The following NT5M variants were observed in gnomAD, a reference collection of about 807,000 sequenced individuals.
NT5M encodes the protein 5',3'-nucleotidase, mitochondrial.
In NT5M, 22 loss-of-function variants were observed where a neutral mutation model predicts 22.2. The ratio of observed to expected loss-of-function variants is 0.99; its 90% CI spans 0.71 to 1.41. NT5M has a LOEUF of 1.41. Among genes scored for constraint, NT5M ranks in the 40% most tolerant of loss-of-function variants. NT5M has a pLI of 0.00. For missense variants in NT5M, 322 were observed against 314.8 expected (o/e 1.02, Z -0.17); for synonymous variants, 167 against 133.0 (o/e 1.26, Z -1.76).
intron 4 of NT5M, chr17:17,345,302 C>A: frequency 9.9e-7 from 1 of 1,007,342 alleles, no homozygotes; most frequent in South Asian, 4.3e-5. Flanking sequence ...AGCAGAGCTC[C>A]TGCAGGGAAG....
At chr17:17,306,771 T>TG in intron 2 of NT5M, 128 bp downstream of exon 2, 1 of 677,814 alleles carries the variant, frequency 1.5e-6, no homozygotes, top group Non-Finnish European at 2.6e-6. Flanking sequence ...AGGCTGCACT[T>TG]GCCTCGTCAT....
intron 2 of NT5M, among the ~76,000 whole-genome samples, chr17:17,307,728 C>T (rs1349753587): frequency 1.3e-5 from 2 of 152,084 alleles, no homozygotes; most frequent in Non-Finnish European, 2.9e-5. Context: ...TGGCGGCATG[C>T]ACATGTAGTC....
chr17:17,338,941 A>G (rs2049583486), intron 3 of NT5M, among the ~76,000 whole-genome samples: 1 of 151,600 alleles, frequency 6.6e-6, no homozygotes, highest in Non-Finnish European at 1.5e-5. Flanking sequence ...GTTAGCCAGG[A>G]TGGTCTCGAT....
At chr17:17,334,810 G>A (rs892969914) in intron 3 of NT5M, among the ~76,000 whole-genome samples, 1 of 152,122 alleles carries the variant, frequency 6.6e-6, no homozygotes, top group Non-Finnish European at 1.5e-5. Context: ...AGCAGTGTGA[G>A]TTTTCCAAAA....
chr17:17,315,752 G>GTTTTTTTTTTT (rs1418422176), intron 2 of NT5M, among the ~76,000 whole-genome samples: 2 of 93,998 alleles, frequency 2.1e-5, no homozygotes, highest in Non-Finnish European at 1.8e-5. Flanking sequence ...GGGTTTTTTT[G>GTTTTTTTTTTT]TTTTTTTTTT....
intron 2 of NT5M, among the ~76,000 whole-genome samples, chr17:17,321,033 C>T (rs1038614483): frequency 1.3e-5 from 2 of 151,984 alleles, no homozygotes; most frequent in African/African-American, 2.4e-5. Flanking sequence ...GGCAGCTTGT[C>T]GGGGACATTC....
chr17:17,319,342 A>T (rs1317208717), intron 2 of NT5M, among the ~76,000 whole-genome samples: 1 of 152,000 alleles, frequency 6.6e-6, no homozygotes. Context: ...TTTTGGGGTG[A>T]TGGAAGTGTC....
chr17:17,319,219 A>C lies in NT5M; in HGVS notation c.369-3966A>C, dbSNP rs571669202. On this transcript the variant is annotated intron_variant, in intron 2 of 4. Transcript: ENST00000389022. The stretch of plus-strand genomic sequence containing the variant: ...AGAGTGAGACCTCGTCTTAGAAAAA[A>C]AAAAAAAAAAGTTTCTGAACAAGAG... 6.6e-3 allele frequency among the ~76,000 whole-genome samples: 993 copies of C among 151,454 alleles called. 14 individuals are homozygous for C. Among genetic ancestry groups the C allele is most frequent in the African/African-American group, 0.023 (938 of 41,324 alleles).
intron 3 of NT5M, among the ~76,000 whole-genome samples, chr17:17,336,369 C>G (rs1322797116): frequency 6.6e-6 from 1 of 152,032 alleles, no homozygotes; most frequent in Admixed American, 6.6e-5. Flanking sequence ...TCCACTCCCC[C>G]TTCCCAGCCT....
chr17:17,327,344 AT>A (rs561744146), intron 3 of NT5M, among the ~76,000 whole-genome samples: 4,030 of 87,880 alleles, frequency 0.046, 1,076 homozygotes, highest in South Asian at 0.12. Context: ...CAGAAACATG[AT>A]TTTTTTTTTT....
chr17:17,333,834 ATTT>A (rs35917484), intron 3 of NT5M, among the ~76,000 whole-genome samples: 8 of 117,188 alleles, frequency 6.8e-5, no homozygotes, highest in Admixed American at 8.6e-5. Flanking sequence ...ATGTTTTTGT[ATTT>A]TTTTTTTTTT....
intron 3 of NT5M, among the ~76,000 whole-genome samples, chr17:17,325,162 T>C (rs182294039): frequency 6.6e-6 from 1 of 152,216 alleles, no homozygotes; most frequent in South Asian, 2.1e-4. Flanking sequence ...GAGTCACTAT[T>C]TCAGCTGGAG....
intron 2 of NT5M, among the ~76,000 whole-genome samples, chr17:17,319,565 C>T (rs571707441): frequency 2.0e-5 from 3 of 152,264 alleles, no homozygotes; most frequent in South Asian, 4.1e-4. Flanking sequence ...TTATTTAACA[C>T]TATGGGCGAA....
intron 1 of NT5M, 34 bp downstream of exon 1, chr17:17,303,851 C>T: frequency 7.4e-7 from 1 of 1,346,318 alleles, no homozygotes; most frequent in South Asian, 1.8e-5. Context: ...CGCCGGGCCT[C>T]CTTCTCGCCC....
chr17:17,316,064 T>TA, intron 2 of NT5M, among the ~76,000 whole-genome samples: 11 of 147,318 alleles, frequency 7.5e-5, no homozygotes, highest in African/African-American at 2.3e-4. Flanking sequence ...CTTTTTTTTT[T>TA]TTTTAAATGA....
At chr17:17,319,808 G>A (rs894610062) in intron 2 of NT5M, among the ~76,000 whole-genome samples, 4 of 152,120 alleles carry the variant, frequency 2.6e-5, no homozygotes, top group African/African-American at 9.7e-5. Context: ...GGTGATCTGG[G>A]TTTCCCATGT....
At chr17:17,338,986 C>G (rs188774105) in intron 3 of NT5M, among the ~76,000 whole-genome samples, 11 of 152,164 alleles carry the variant, frequency 7.2e-5, no homozygotes, top group African/African-American at 1.9e-4. Context: ...CTCGGCCTCC[C>G]GAAGTGCTAG....
At chr17:17,325,544 A>G (rs2049247938) in intron 3 of NT5M, among the ~76,000 whole-genome samples, 1 of 152,154 alleles carries the variant, frequency 6.6e-6, no homozygotes, top group Non-Finnish European at 1.5e-5. Context: ...GCATCTTGGC[A>G]TTTACTGCCA....
At chr17:17,306,028 A>G (rs556082804) in intron 1 of NT5M, among the ~76,000 whole-genome samples, 11 of 152,128 alleles carry the variant, frequency 7.2e-5, no homozygotes, top group African/African-American at 2.4e-4. Flanking sequence ...TATAAAACCG[A>G]TAAAAGCAGA....
Sources: allele counts gnomAD v4.1 joint callset (sites outside exome capture counted in the v4.1 genomes callset), GRCh38; gene constraint gnomAD v4.1.1; transcripts MANE v1.5; gene names NCBI Gene and HGNC (gene_info 2026-07-23, HGNC 2026-07-21).